MGAT4C: variants seen among roughly 807,000 people sequenced by gnomAD.
MGAT4C encodes alpha-1,3-mannosyl-glycoprotein 4-beta-N-acetylglucosaminyltransferase C.
MGAT4C carries 19 observed loss-of-function variants against 40.1 expected under a neutral mutation model. That is an observed-to-expected ratio of 0.47 (90% CI 0.33 to 0.70). The LOEUF is 0.70. MGAT4C is among the 30% of genes least tolerant of loss of function. MGAT4C has a pLI of 0.02. For synonymous variants in MGAT4C, 181 were observed against 187.1 expected, an observed-to-expected ratio of 0.97 and a Z score of 0.27; for missense variants, 491 against 563.2, an observed-to-expected ratio of 0.87 and a Z score of 1.30.
At chr12:86,638,259 T>C (rs1309531635) in intron 2 of MGAT4C, among the ~76,000 whole-genome samples, 1 of 151,934 alleles carries the variant, frequency 6.6e-6, no homozygotes, top group South Asian at 2.1e-4. Flanking sequence ...TTCAATTTAA[T>C]TGCTTTTGAG....
chr12:86,603,763 AG>A (rs1353983063), intron 2 of MGAT4C, among the ~76,000 whole-genome samples: 2 of 119,774 alleles, frequency 1.7e-5, no homozygotes, highest in African/African-American at 6.2e-5. Flanking sequence ...TATAATATAT[AG>A]TATAATTATA....
intron 1 of MGAT4C, among the ~76,000 whole-genome samples, chr12:86,071,597 T>A (rs1868483826): frequency 1.3e-5 from 2 of 152,070 alleles, no homozygotes; most frequent in African/African-American, 2.4e-5. Flanking sequence ...ACATGTAACA[T>A]AACACTATGT....
At chr12:86,075,045 A>T (rs2202206) in intron 1 of MGAT4C, among the ~76,000 whole-genome samples, 31,324 of 151,982 alleles carry the variant, frequency 0.21, 4,238 homozygotes, top group African/African-American at 0.38. Flanking sequence ...ACAGTCCCCC[A>T]ATCTTAACTC....
chr12:86,188,293 T>C (rs1450705458), intron 1 of MGAT4C, among the ~76,000 whole-genome samples: 2 of 152,020 alleles, frequency 1.3e-5, no homozygotes, highest in East Asian at 3.8e-4. Context: ...GTTGTGATAG[T>C]TTGGTGGCAG....
chr12:86,250,613 CA>C (rs1381449547), intron 1 of MGAT4C, among the ~76,000 whole-genome samples: 1 of 151,968 alleles, frequency 6.6e-6, no homozygotes, highest in Non-Finnish European at 1.5e-5. Context: ...TAAAAAGTAG[CA>C]AAGTAAAACA....
At chr12:86,834,625 C>CAT (rs959268067) in intron 1 of MGAT4C, among the ~76,000 whole-genome samples, 23 of 151,642 alleles carry the variant, frequency 1.5e-4, no homozygotes, top group African/African-American at 4.6e-4. Context: ...CACACACACA[C>CAT]ACACACACAC....
intron 3 of MGAT4C, among the ~76,000 whole-genome samples, chr12:86,378,416 C>A (rs1339090360): frequency 6.6e-6 from 1 of 152,010 alleles, no homozygotes; most frequent in Non-Finnish European, 1.5e-5. Context: ...ATAAGAATCT[C>A]TAGACATTTG....
chr12:86,365,649 G>A (rs545419181), intron 3 of MGAT4C, among the ~76,000 whole-genome samples: 144 of 151,752 alleles, frequency 9.5e-4, no homozygotes, highest in African/African-American at 2.9e-3. Context: ...CCCTCCGTTC[G>A]GGGTTCCTGA....
intron 1 of MGAT4C, among the ~76,000 whole-genome samples, chr12:86,245,342 T>C (rs1456208627): frequency 6.6e-6 from 1 of 152,216 alleles, no homozygotes; most frequent in African/African-American, 2.4e-5. Context: ...TCTGCCCTTC[T>C]AGGCTTCCTG....
chr12:86,075,632 TTTG>T (rs1485503324), intron 1 of MGAT4C, among the ~76,000 whole-genome samples: 1 of 152,144 alleles, frequency 6.6e-6, no homozygotes, highest in Non-Finnish European at 1.5e-5. Flanking sequence ...GCAGCAAACT[TTTG>T]CCTGGGAATC....
intron 1 of MGAT4C, among the ~76,000 whole-genome samples, chr12:86,228,262 G>A (rs1302958228): frequency 6.6e-6 from 1 of 151,768 alleles, no homozygotes; most frequent in African/African-American, 2.4e-5. Flanking sequence ...CTAATAGAAA[G>A]AGAGGATAAA....
intron 1 of MGAT4C, among the ~76,000 whole-genome samples, chr12:86,836,156 A>G (rs372266966): frequency 3.2e-4 from 49 of 152,142 alleles, no homozygotes; most frequent in Non-Finnish European, 2.8e-4. Flanking sequence ...CACCAATCCT[A>G]TTTTCTGTCT....
rs902660623 is a variant in MGAT4C at position 86,203,904 on chromosome 12, C to T, written c.-57+52335G>A. Among the ~76,000 whole-genome samples, 169 of 147,578 alleles carry T rather than the reference C, an allele frequency of 1.1e-3. 1 individual carries two copies. The highest frequency in any genetic ancestry group is 1.4e-3 in the Admixed American group (20 of 14,518). On this transcript the variant is annotated intron_variant, in intron 1 of 4. Coordinates refer to ENST00000611864, the MANE Select transcript of MGAT4C (RefSeq NM_001351288.2). Reference sequence around the variant, plus strand: ...CCCGGGAGGCAGAGGTTGCAGTGAGCGGAGATCGCGCCATTGCACTCCAGC... The same window carrying T: ...CCCGGGAGGCAGAGGTTGCAGTGAGTGGAGATCGCGCCATTGCACTCCAGC...
chr12:86,283,810 C>A (rs1484467411), intron 4 of MGAT4C, among the ~76,000 whole-genome samples: 1 of 152,080 alleles, frequency 6.6e-6, no homozygotes, highest in Non-Finnish European at 1.5e-5. Flanking sequence ...ATGTTTATAG[C>A]TGTTGGAACA....
intron 2 of MGAT4C, among the ~76,000 whole-genome samples, chr12:86,621,528 G>T (rs1962637017): frequency 6.6e-6 from 1 of 152,170 alleles, no homozygotes; most frequent in Non-Finnish European, 1.5e-5. Context: ...GCCCAGGCTG[G>T]AGTGCAGTGG....
intron 1 of MGAT4C, among the ~76,000 whole-genome samples, chr12:86,242,951 C>A (rs1951851579): frequency 6.6e-6 from 1 of 152,132 alleles, no homozygotes; most frequent in African/African-American, 2.4e-5. Flanking sequence ...CTTTTTTAAG[C>A]AGATTAACAT....
chr12:86,149,252 G>C (rs914999071), intron 1 of MGAT4C, among the ~76,000 whole-genome samples: 5 of 151,614 alleles, frequency 3.3e-5, no homozygotes, highest in African/African-American at 1.2e-4. Flanking sequence ...AAAATGAGTG[G>C]TATTCATATA....
At chr12:86,769,143 A>G (rs987758946) in intron 1 of MGAT4C, among the ~76,000 whole-genome samples, 26 of 152,334 alleles carry the variant, frequency 1.7e-4, no homozygotes, top group Middle Eastern at 3.4e-3. Context: ...AATATCCAGA[A>G]TCTACAAAGA....
intron 2 of MGAT4C, among the ~76,000 whole-genome samples, chr12:86,708,510 G>A (rs1438982003): frequency 6.6e-6 from 1 of 152,178 alleles, no homozygotes; most frequent in Non-Finnish European, 1.5e-5. Context: ...GCTGTGAGAA[G>A]ACAGTCACTG....
Sources: allele counts gnomAD v4.1 joint callset (sites outside exome capture counted in the v4.1 genomes callset), GRCh38; gene constraint gnomAD v4.1.1; transcripts MANE v1.5; gene names NCBI Gene and HGNC (gene_info 2026-07-23, HGNC 2026-07-21).